ARHGAP15: variants seen among roughly 807,000 people sequenced by gnomAD.
ARHGAP15 encodes Rho GTPase activating protein 15.
A neutral mutation model predicts 63.7 loss-of-function variants in ARHGAP15; 51 were observed. The ratio of observed to expected loss-of-function variants is 0.80; its 90% CI spans 0.64 to 1.01. ARHGAP15 has a LOEUF of 1.01. Ranked by LOEUF, ARHGAP15 falls within the 50% of genes least tolerant of loss-of-function variation. The pLI is 0.00. For synonymous variants in ARHGAP15, 191 were observed against 193.8 expected, an observed-to-expected ratio of 0.99 and a Z score of 0.12; for missense variants, 560 against 564.6, an observed-to-expected ratio of 0.99 and a Z score of 0.08.
intron 1 of ARHGAP15, among the ~76,000 whole-genome samples, chr2:143,150,866 T>C (rs550350096): frequency 1.3e-5 from 2 of 152,052 alleles, no homozygotes; most frequent in South Asian, 2.1e-4. Flanking sequence ...AAGAGGCACA[T>C]AGATCAAGCA....
chr2:143,595,004 A>G (rs1370599409), intron 11 of ARHGAP15, among the ~76,000 whole-genome samples: 1 of 152,192 alleles, frequency 6.6e-6, no homozygotes, highest in African/African-American at 2.4e-5. Context: ...TGTCAACTCT[A>G]CCTTCAAATT....
intron 12 of ARHGAP15, among the ~76,000 whole-genome samples, chr2:143,673,758 G>GTATATATA (rs70982879): frequency 1.8e-3 from 40 of 22,114 alleles, no homozygotes; most frequent in African/African-American, 2.6e-3. Flanking sequence ...GTGTGTGTGT[G>GTATATATA]TATATATATA....
At chr2:143,146,747 T>C (rs1050734601) in intron 1 of ARHGAP15, among the ~76,000 whole-genome samples, 1 of 152,126 alleles carries the variant, frequency 6.6e-6, no homozygotes, top group African/African-American at 2.4e-5. Flanking sequence ...GTTATTGTCC[T>C]TCACAACAAT....
chr2:143,664,091 C>T (rs1475710549), intron 12 of ARHGAP15, among the ~76,000 whole-genome samples: 4 of 151,890 alleles, frequency 2.6e-5, no homozygotes, highest in Admixed American at 2.6e-4. Flanking sequence ...CTCTCCACCC[C>T]AAATCAACAG....
chr2:143,395,104 G>A (rs997481713), intron 6 of ARHGAP15, among the ~76,000 whole-genome samples: 3 of 151,860 alleles, frequency 2.0e-5, no homozygotes, highest in Admixed American at 6.6e-5. Context: ...ATTATAAAAC[G>A]TGAATAATAT....
At chr2:143,420,973 G>A (rs1386634658) in intron 6 of ARHGAP15, among the ~76,000 whole-genome samples, 3 of 152,166 alleles carry the variant, frequency 2.0e-5, no homozygotes, top group Non-Finnish European at 4.4e-5. Context: ...GCTGCAGGAT[G>A]CAACGTGGAG....
At chr2:143,550,247 A>T (rs66850805) in intron 10 of ARHGAP15, among the ~76,000 whole-genome samples, 32,477 of 152,158 alleles carry the variant, frequency 0.21, 3,754 homozygotes, top group Middle Eastern at 0.29. Flanking sequence ...AATGGAACAT[A>T]TATTTTTCAA....
chr2:143,346,295 A>T (rs1685299107), intron 6 of ARHGAP15, among the ~76,000 whole-genome samples: 1 of 151,222 alleles, frequency 6.6e-6, no homozygotes, highest in Admixed American at 6.6e-5. Context: ...CACCAGGGAG[A>T]GGATTACATT....
At chr2:143,396,221 T>C (rs1687750196) in intron 6 of ARHGAP15, among the ~76,000 whole-genome samples, 1 of 152,172 alleles carries the variant, frequency 6.6e-6, no homozygotes, top group Non-Finnish European at 1.5e-5. Flanking sequence ...TTTATTCCGC[T>C]GTGTTTGGGA....
chr2:143,616,066 C>G (rs971256263), intron 11 of ARHGAP15, among the ~76,000 whole-genome samples: 4 of 152,004 alleles, frequency 2.6e-5, no homozygotes, highest in Admixed American at 6.6e-5. Flanking sequence ...ATTTTTGTTG[C>G]TGTTGTTGCA....
intron 1 of ARHGAP15, among the ~76,000 whole-genome samples, chr2:143,154,653 C>T (rs1431186782): frequency 6.6e-6 from 1 of 151,880 alleles, no homozygotes; most frequent in Non-Finnish European, 1.5e-5. Context: ...ACTTGAGGAA[C>T]TTTTGGGGAG....
At chr2:143,666,663 C>T (rs1181326927) in intron 12 of ARHGAP15, among the ~76,000 whole-genome samples, 1 of 115,756 alleles carries the variant, frequency 8.6e-6, no homozygotes, top group African/African-American at 3.1e-5. Flanking sequence ...TTTTTGCAAC[C>T]TACTCATCTG....
chr2:143,368,680 G>A (rs1686407070), intron 6 of ARHGAP15, among the ~76,000 whole-genome samples: 1 of 152,104 alleles, frequency 6.6e-6, no homozygotes, highest in African/African-American at 2.4e-5. Flanking sequence ...ATATGTGAGA[G>A]TCATTAAAAG....
At chr2:143,149,768 C>T (rs1574012355) in intron 1 of ARHGAP15, among the ~76,000 whole-genome samples, 1 of 151,890 alleles carries the variant, frequency 6.6e-6, no homozygotes, top group African/African-American at 2.4e-5. Context: ...TGGTCAAAGA[C>T]ATTTTCTTCT....
chr2:143,701,399 C>T (rs938255005), intron 12 of ARHGAP15, among the ~76,000 whole-genome samples: 1 of 152,122 alleles, frequency 6.6e-6, no homozygotes, highest in Non-Finnish European at 1.5e-5. Context: ...GAGATCCATC[C>T]TCAAAGGCTT....
rs532685123 is a variant in ARHGAP15 at position 143,763,098 on chromosome 2, G to A, written c.1245-4891G>A. Among the ~76,000 whole-genome samples, 3 of 152,052 alleles carry A rather than the reference G, an allele frequency of 2.0e-5. No homozygotes were observed. In the South Asian group the frequency reaches 6.2e-4, roughly 32 times the overall value. On this transcript the variant is annotated intron_variant, in intron 13 of 13. Transcript: ENST00000295095. ...TATGTTTTACTAGTTGAAACCTTCA[G>A]AAATAATCTCTAGCTGGTCCCCACA...
chr2:143,308,149 G>C (rs780168451), intron 6 of ARHGAP15, among the ~76,000 whole-genome samples: 17 of 152,226 alleles, frequency 1.1e-4, no homozygotes, highest in Admixed American at 2.0e-4. Context: ...AGAATGGAGA[G>C]AGAAACAGAA....
rs372747184 is a variant in ARHGAP15 at position 143,713,221 on chromosome 2, G to A, written c.1244+9697G>A. On this transcript the variant is annotated intron_variant, in intron 13 of 13. Coordinates refer to ENST00000295095, the MANE Select transcript of ARHGAP15 (RefSeq NM_018460.4). Reference sequence around the variant, plus strand: ...GGTGGAGAGACCTCAGAATCATGGCGGGAGGCAAAAGACACTTCTTATATG... The same window carrying A: ...GGTGGAGAGACCTCAGAATCATGGCAGGAGGCAAAAGACACTTCTTATATG... 5.9e-5 allele frequency among the ~76,000 whole-genome samples: 9 copies of A among 152,224 alleles called. No individual in the cohort carries two copies. In the South Asian group the frequency reaches 8.3e-4, roughly 14 times the overall value.
intron 9 of ARHGAP15, among the ~76,000 whole-genome samples, chr2:143,506,728 C>T (rs917910421): frequency 4.6e-5 from 7 of 152,170 alleles, no homozygotes; most frequent in South Asian, 2.1e-4. Context: ...TGAAAGCAAA[C>T]AATGAAAATA....
Sources: allele counts gnomAD v4.1 joint callset (sites outside exome capture counted in the v4.1 genomes callset), GRCh38; gene constraint gnomAD v4.1.1; transcripts MANE v1.5; gene names NCBI Gene and HGNC (gene_info 2026-07-23, HGNC 2026-07-21).